The following IL1RAPL2 variants were observed in gnomAD, a reference collection of about 807,000 sequenced individuals.
IL1RAPL2 encodes X-linked interleukin-1 receptor accessory protein-like 2.
IL1RAPL2 carries 3 observed loss-of-function variants against 44.1 expected under a neutral mutation model. The observed-to-expected ratio is 0.07, with a 90% CI of 0.03 to 0.18. The LOEUF (loss-of-function observed/expected upper bound fraction) is 0.18, where lower values mean the gene tolerates loss of function less well. IL1RAPL2 is among the 10% of genes least tolerant of loss of function. IL1RAPL2 has a pLI of 1.00. For synonymous variants in IL1RAPL2, 181 were observed against 178.8 expected, an observed-to-expected ratio of 1.01 and a Z score of -0.10; for missense variants, 391 against 496.4, an observed-to-expected ratio of 0.79 and a Z score of 2.02.
intron 1 of IL1RAPL2, among the ~76,000 whole-genome samples, chrX:104,645,147 A>T (rs1930009220): frequency 9.0e-6 from 1 of 111,372 alleles, no homozygotes; most frequent in South Asian, 3.8e-4. Context: ...GGTGTTTCTC[A>T]GTACTTTATC....
intron 6 of IL1RAPL2, among the ~76,000 whole-genome samples, chrX:105,506,169 A>G (rs2036429551): frequency 9.0e-6 from 1 of 111,585 alleles, no homozygotes; most frequent in African/African-American, 3.3e-5. Context: ...CTGAGTGAGT[A>G]AAGAACACTT....
At chrX:105,747,273 T>A (rs2147581927) in intron 8 of IL1RAPL2, among the ~76,000 whole-genome samples, 1 of 109,341 alleles carries the variant, frequency 9.1e-6, no homozygotes, top group Admixed American at 9.9e-5. Flanking sequence ...TATTCCAATT[T>A]CCTACCCCTA....
At chrX:105,652,862 A>C (rs1216263191) in intron 6 of IL1RAPL2, among the ~76,000 whole-genome samples, 1 of 111,255 alleles carries the variant, frequency 9.0e-6, no homozygotes, top group Non-Finnish European at 1.9e-5. Context: ...CACAATAAAC[A>C]TAGTACTGTA....
At chrX:105,261,495 T>C (rs2034359638) in intron 4 of IL1RAPL2, among the ~76,000 whole-genome samples, 1 of 111,543 alleles carries the variant, frequency 9.0e-6, no homozygotes, top group African/African-American at 3.3e-5. Flanking sequence ...TGTTTGTTTG[T>C]TTGTTTGTTT....
intron 2 of IL1RAPL2, among the ~76,000 whole-genome samples, chrX:104,911,682 T>G (rs926327677): frequency 2.7e-5 from 3 of 111,708 alleles, no homozygotes; most frequent in African/African-American, 9.8e-5. Context: ...ATATTTTCCA[T>G]GATGTATAGA....
chrX:105,490,636 C>T (rs2036310246), intron 6 of IL1RAPL2, among the ~76,000 whole-genome samples: 1 of 112,100 alleles, frequency 8.9e-6, no homozygotes, highest in African/African-American at 3.2e-5. Flanking sequence ...CAAACAAATA[C>T]CCAGTTTAAT....
chrX:104,599,359 C>T (rs1363115150), intron 1 of IL1RAPL2, among the ~76,000 whole-genome samples: 1 of 110,945 alleles, frequency 9.0e-6, no homozygotes, highest in African/African-American at 3.3e-5. Flanking sequence ...GTGATCCTCC[C>T]ATCTCAGCCT....
intron 5 of IL1RAPL2, among the ~76,000 whole-genome samples, chrX:105,324,741 A>G (rs2034922847): frequency 8.9e-6 from 1 of 112,329 alleles, no homozygotes; most frequent in Non-Finnish European, 1.9e-5. Flanking sequence ...CTAGGTTTTC[A>G]GAATTCACAC....
chrX:105,314,474 CTG>C (rs1454464244), intron 5 of IL1RAPL2, among the ~76,000 whole-genome samples: 2 of 111,837 alleles, frequency 1.8e-5, no homozygotes, highest in Admixed American at 1.9e-4. Flanking sequence ...CTAAGCCAGA[CTG>C]TGTCGGATCA....
chrX:105,038,034 C>T (rs754497814), intron 2 of IL1RAPL2, among the ~76,000 whole-genome samples: 8 of 111,348 alleles, frequency 7.2e-5, no homozygotes, highest in African/African-American at 9.8e-5. Context: ...GAATCATGAC[C>T]GTGAGACAGA....
chrX:105,026,916 T>A (rs1432530544), intron 2 of IL1RAPL2, among the ~76,000 whole-genome samples: 1 of 110,927 alleles, frequency 9.0e-6, no homozygotes, highest in Non-Finnish European at 1.9e-5. Context: ...TTATCTGACT[T>A]CAAATTATAT....
intron 5 of IL1RAPL2, among the ~76,000 whole-genome samples, chrX:105,361,469 A>T (rs1465774104): frequency 9.0e-6 from 1 of 111,652 alleles, no homozygotes; most frequent in East Asian, 2.8e-4. Context: ...CTATGTATAT[A>T]ATCCACAATA....
chrX:104,774,024 C>T (rs1284368071), intron 2 of IL1RAPL2, among the ~76,000 whole-genome samples: 3 of 111,528 alleles, frequency 2.7e-5, no homozygotes, highest in East Asian at 2.8e-4. Context: ...CATATTCAGG[C>T]GCTTTGGCCT....
chrX:105,594,490 C>A (rs2147819707), intron 6 of IL1RAPL2, among the ~76,000 whole-genome samples: 1 of 111,793 alleles, frequency 8.9e-6, no homozygotes, highest in African/African-American at 3.2e-5. Context: ...TAATACCACA[C>A]TCTTCTCTTT....
chrX:105,121,681 T>C (rs1304581869), intron 2 of IL1RAPL2, among the ~76,000 whole-genome samples: 2 of 111,459 alleles, frequency 1.8e-5, no homozygotes, highest in Admixed American at 9.6e-5. Flanking sequence ...TTGTTCTAAA[T>C]TCAAGTGGTG....
intron 2 of IL1RAPL2, among the ~76,000 whole-genome samples, chrX:105,140,857 A>G (rs1180663253): frequency 8.9e-6 from 1 of 111,809 alleles, no homozygotes; most frequent in Admixed American, 9.5e-5. Context: ...TGTAGAGGTG[A>G]AGAGGTGCCA....
intron 6 of IL1RAPL2, among the ~76,000 whole-genome samples, chrX:105,648,151 G>A (rs1354882375): frequency 1.8e-5 from 2 of 111,793 alleles, no homozygotes; most frequent in East Asian, 5.6e-4. Flanking sequence ...GAAGATAACT[G>A]TCCTACTAAT....
intron 3 of IL1RAPL2, among the ~76,000 whole-genome samples, chrX:105,217,134 A>G (rs1463169189): frequency 9.3e-6 from 1 of 108,065 alleles, no homozygotes; most frequent in Non-Finnish European, 1.9e-5. Context: ...GCTTCTGCAC[A>G]GCAAAAGAAA....
At chrX:105,711,571 C>T (rs2038211395) in intron 6 of IL1RAPL2, among the ~76,000 whole-genome samples, 1 of 111,573 alleles carries the variant, frequency 9.0e-6, no homozygotes, top group Admixed American at 9.5e-5. Flanking sequence ...TCCCTCAAAA[C>T]TTATATCCTT....
Sources: gnomAD v4.1 joint callset for allele counts (sites outside exome capture counted in the v4.1 genomes callset) on GRCh38, gnomAD v4.1.1 for gene constraint, MANE v1.5 for transcripts, NCBI Gene and HGNC (gene_info 2026-07-23, HGNC 2026-07-21) for gene names.